LRIF1: variants seen among roughly 807,000 people sequenced by gnomAD.
LRIF1 encodes ligand dependent nuclear receptor interacting factor 1.
In LRIF1, 32 loss-of-function variants were observed where a neutral mutation model predicts 52.7. The observed-to-expected ratio is 0.61, with a 90% CI of 0.46 to 0.82. The LOEUF (loss-of-function observed/expected upper bound fraction) is 0.82, where lower values mean the gene tolerates loss of function less well. LRIF1 is among the 40% of genes least tolerant of loss of function. The pLI is 0.00. For missense variants in LRIF1, 887 were observed against 892.0 expected (o/e 0.99, Z 0.07); for synonymous variants, 323 against 317.4 (o/e 1.02, Z -0.19).
the LRIF1 span, among the ~76,000 whole-genome samples, chr1:110,901,080 T>C: frequency 2.5e-3 from 385 of 152,322 alleles, 1 homozygote; most frequent in African/African-American, 8.9e-3. Flanking sequence ...AGTGGTAGTC[T>C]GTAGAAAAAC....
At chr1:110,899,308 C>T in the LRIF1 span, 1 of 721,072 alleles carries the variant, frequency 1.4e-6, no homozygotes. Flanking sequence ...CATCCTTTCC[C>T]TTTTTAGGTC....
At position 110,947,972 on chromosome 1, in the gene LRIF1, A is replaced by G; in HGVS notation, c.2297T>C (p.Met766Thr). The G allele has an allele frequency of 6.4e-7, 1 of 1,571,764 alleles. No individual in the cohort carries two copies. The change falls in exon 4 of 4, where the codon ATG becomes ACG. Residue 766 changes from methionine to threonine, a missense_variant. Met to Thr is a moderately conservative substitution (Grantham distance 81, BLOSUM62 -1). Coordinates refer to ENST00000369763, the MANE Select transcript of LRIF1 (RefSeq NM_018372.4). ...TTACAGGAGATTTTATTTTTGGTGC[A>G]TCTTCTTACGCATTTCTTCAAGAGC... ...EAALEEMRKK[M>T]HQK
At chr1:110,909,638 T>C in the LRIF1 span, among the ~76,000 whole-genome samples, 1 of 139,660 alleles carries the variant, frequency 7.2e-6, no homozygotes, top group Non-Finnish European at 1.5e-5. Flanking sequence ...TGGAGTGCAG[T>C]GGCGCGATCT....
chr1:110,886,869 A>ATATATTTTTTT, the LRIF1 span, among the ~76,000 whole-genome samples: 18 of 82,782 alleles, frequency 2.2e-4, no homozygotes, highest in African/African-American at 4.3e-4. Context: ...ATATATATAT[A>ATATATTTTTTT]TTTTTTTTTT....
the LRIF1 span, among the ~76,000 whole-genome samples, chr1:110,875,867 A>C: frequency 6.6e-6 from 1 of 152,208 alleles, no homozygotes; most frequent in Non-Finnish European, 1.5e-5. Context: ...AAGCCAGTGG[A>C]TGACCACTCA....
the LRIF1 span, among the ~76,000 whole-genome samples, chr1:110,909,071 A>C: frequency 0.058 from 8,859 of 152,270 alleles, 294 homozygotes; most frequent in East Asian, 0.14. Context: ...GGCCTATATT[A>C]AGCATCATTA....
At chr1:110,898,881 C>T in the LRIF1 span, among the ~76,000 whole-genome samples, 1 of 152,158 alleles carries the variant, frequency 6.6e-6, no homozygotes, top group African/African-American at 2.4e-5. Context: ...GTGACTTCCT[C>T]AGAAGATAAA....
chr1:110,955,965 A>G (rs1658680435), intron 1 of LRIF1, among the ~76,000 whole-genome samples: 2 of 152,172 alleles, frequency 1.3e-5, no homozygotes, highest in African/African-American at 4.8e-5. Flanking sequence ...AGAGCTGGAG[A>G]CCTATCTCCT....
chr1:110,929,312 C>T, the LRIF1 span, among the ~76,000 whole-genome samples: 6 of 152,114 alleles, frequency 3.9e-5, no homozygotes, highest in African/African-American at 7.2e-5. Context: ...AATGGTAATT[C>T]GATTTTGGCT....
At chr1:110,917,642 G>GTTTTTTTTT in the LRIF1 span, among the ~76,000 whole-genome samples, 2 of 81,754 alleles carry the variant, frequency 2.4e-5, 1 homozygote. Context: ...TTGTTTTTTT[G>GTTTTTTTTT]TTTTTGTTTT....
At chr1:110,915,453 A>T in the LRIF1 span, among the ~76,000 whole-genome samples, 2 of 152,266 alleles carry the variant, frequency 1.3e-5, no homozygotes, top group East Asian at 3.9e-4. Context: ...GCGCCAATGC[A>T]CTCCAGCCTG....
chr1:110,957,055 T>C (rs536656014), intron 1 of LRIF1, among the ~76,000 whole-genome samples: 1 of 152,232 alleles, frequency 6.6e-6, no homozygotes, highest in South Asian at 2.1e-4. Context: ...CTGTTTCTCT[T>C]GACTTTCCTA....
At chr1:110,919,343 G>A in the LRIF1 span, among the ~76,000 whole-genome samples, 3 of 152,100 alleles carry the variant, frequency 2.0e-5, no homozygotes, top group African/African-American at 7.2e-5. Flanking sequence ...AGAAAAACTC[G>A]AAAAGGTGTG....
the LRIF1 span, among the ~76,000 whole-genome samples, chr1:110,921,754 C>T: frequency 3.2e-4 from 49 of 152,204 alleles, no homozygotes; most frequent in Non-Finnish European, 6.6e-4. Flanking sequence ...ATGGTTTAGA[C>T]GTGCCTCCTA....
chr1:110,882,769 C>G, the LRIF1 span, among the ~76,000 whole-genome samples: 1 of 151,944 alleles, frequency 6.6e-6, no homozygotes, highest in Non-Finnish European at 1.5e-5. Context: ...TTTCAGTGTA[C>G]AATTCTTTCA....
chr1:110,907,436 C>T, the LRIF1 span, among the ~76,000 whole-genome samples: 1 of 152,146 alleles, frequency 6.6e-6, no homozygotes, highest in African/African-American at 2.4e-5. Flanking sequence ...CTTGCTCCAA[C>T]TTCCACCACT....
At position 110,947,625 on chromosome 1, in the gene LRIF1, T is replaced by C; in HGVS notation, c.*334A>G. 1 of 181,992 alleles carries C rather than the reference T, an allele frequency of 5.5e-6. No homozygotes were observed. The highest frequency in any genetic ancestry group is 5.7e-5 in the Admixed American group (1 of 17,654). 11.3% of individuals were successfully genotyped at this position (181,992 alleles called of 1,614,324 possible). On this transcript the variant is annotated 3_prime_UTR_variant, in exon 4 of 4. Transcript: ENST00000369763. ...ACACAGTCACTATCTACTGCTGGAA[T>C]AATGCCTGAGCAATTTAGGTAAAGA...
the LRIF1 span, among the ~76,000 whole-genome samples, chr1:110,879,862 C>T: frequency 3.9e-5 from 6 of 152,144 alleles, no homozygotes; most frequent in Admixed American, 3.9e-4. Context: ...GCCACCATGG[C>T]GAGCCTGATC....
the LRIF1 span, among the ~76,000 whole-genome samples, chr1:110,933,212 A>G: frequency 3.8e-3 from 582 of 152,230 alleles, 4 homozygotes; most frequent in African/African-American, 0.013. Flanking sequence ...AGCTTCTCCA[A>G]AAAGCACTGG....
Sources: allele counts gnomAD v4.1 joint callset (sites outside exome capture counted in the v4.1 genomes callset), GRCh38; gene constraint gnomAD v4.1.1; transcripts MANE v1.5; gene names NCBI Gene and HGNC (gene_info 2026-07-23, HGNC 2026-07-21).